Variants in DAAM2 observed in about 807,000 individuals in gnomAD.
The protein encoded by DAAM2 is disheveled-associated activator of morphogenesis 2.
In DAAM2, 39 loss-of-function variants were observed where a neutral mutation model predicts 120.7. The observed-to-expected ratio is 0.32, with a 90% confidence interval of 0.25 to 0.42. The LOEUF (loss-of-function observed/expected upper bound fraction) is 0.42. Among genes scored for constraint, DAAM2 ranks in the 10% least tolerant of loss-of-function variants. DAAM2 has a pLI of 1.00. For synonymous variants in DAAM2, 488 were observed against 524.9 expected (o/e 0.93, Z 0.96); for missense variants, 1,283 against 1,401.7 (o/e 0.92, Z 1.35).
At chr6:39,821,572 C>T (rs1178799032) in intron 1 of DAAM2, 2 of 152,260 alleles carry the variant, frequency 1.3e-5, no homozygotes, top group East Asian at 1.9e-4. Flanking sequence ...ATCTGATGGG[C>T]AAATGTGAGA....
intron 17 of DAAM2, 32 bp downstream of exon 17, chr6:39,888,795 G>A (rs1765524502): frequency 2.5e-6 from 4 of 1,572,492 alleles, no homozygotes; most frequent in Non-Finnish European, 3.5e-6. Flanking sequence ...AAGGGGAACT[G>A]AACCCAGCGG....
chr6:39,896,779 A>T (rs370072691), intron 19 of DAAM2, 33 bp from the exon 20 acceptor site: 12 of 1,529,662 alleles, frequency 7.8e-6, no homozygotes, highest in Non-Finnish European at 1.1e-5. Flanking sequence ...TGCCTAGCCC[A>T]TGCAGGCCTC....
At chr6:39,847,583 G>T (rs984152820) in intron 1 of DAAM2, among the ~76,000 whole-genome samples, 2 of 152,032 alleles carry the variant, frequency 1.3e-5, no homozygotes, top group Admixed American at 1.3e-4. Flanking sequence ...AGCTCTCCAT[G>T]CTCCCCAGGT....
At chr6:39,855,993 A>G in intron 1 of DAAM2, 2 of 977,512 alleles carry the variant, frequency 2.0e-6, no homozygotes, top group Non-Finnish European at 2.4e-6. Context: ...AGGAAGGGGA[A>G]TATGAAAGTG....
At chr6:39,875,889 A>G (rs1582717241) in intron 11 of DAAM2, among the ~76,000 whole-genome samples, 2 of 152,202 alleles carry the variant, frequency 1.3e-5, no homozygotes. Context: ...TCAGCAAACT[A>G]TGGGTGCATG....
chr6:39,856,427 T>G lies in DAAM2; in HGVS notation c.125T>G (p.Ile42Ser). The stretch of plus-strand genomic sequence containing the variant: ...CAGTTCATGGAGTTCTCCAGCCCCA[T>G]CCCGAACGCAGAGGAGCTCAACATC... ...PLQFMEFSSP[I>S]PNAEELNIRF... The change falls in exon 2 of 25, where the codon ATC (isoleucine) becomes AGC (serine). Residue 42 changes from isoleucine (I) to serine (S), a missense_variant. By Grantham distance (142) the Ile-to-Ser change is moderately radical. Around this residue, in one of 3 missense-constraint regions of DAAM2, gnomAD observed 197 missense variants for 189.3 expected, o/e 1.04. Coordinates refer to ENST00000274867, the MANE Select transcript of DAAM2 (RefSeq NM_001201427.2). 1 of 1,515,790 alleles carries G rather than the reference T, an allele frequency of 6.6e-7. No individual in the cohort carries two copies. Among genetic ancestry groups the G allele is most frequent in the Non-Finnish European group, 8.8e-7 (1 of 1,131,674 alleles). 93.9% of individuals were successfully genotyped at this position (1,515,790 alleles called of 1,614,324 possible). A position where few individuals can be genotyped will look rare whatever the true frequency, so the allele number is the denominator to read the frequency against.
In DAAM2 at chr6:39,878,959, C is replaced by T. The variant is rs116019337; in HGVS notation, c.1546-219C>T. 2.4e-3 allele frequency among the ~76,000 whole-genome samples: 370 copies of T among 151,902 alleles called. 2 individuals carry two copies. The highest frequency in any genetic ancestry group is 8.6e-3 in the African/African-American group (356 of 41,420). On this transcript the variant is annotated intron_variant, in intron 13 of 24. Coordinates refer to ENST00000274867, the MANE Select transcript of DAAM2 (RefSeq NM_001201427.2). The surrounding 1 kb of genome is among the most constrained non-coding windows in gnomAD (Gnocchi z 5.0). ...ACTCTGATTGTCCAGTGTCCGTGTG[C>T]GTGACGTGTGTGTGTCTGTGGTGGT... is the stretch of plus-strand genomic sequence containing the variant.
At chr6:39,805,164 G>T (rs1241723104) in intron 1 of DAAM2, among the ~76,000 whole-genome samples, 1 of 152,186 alleles carries the variant, frequency 6.6e-6, no homozygotes, top group Non-Finnish European at 1.5e-5. Context: ...GCATCTAAGG[G>T]CTTGTGTGCT....
intron 1 of DAAM2, among the ~76,000 whole-genome samples, chr6:39,825,827 G>T (rs997347543): frequency 6.6e-6 from 1 of 152,178 alleles, no homozygotes; most frequent in Non-Finnish European, 1.5e-5. Context: ...TTCACAGCCT[G>T]CACACTACAT....
intron 4 of DAAM2, among the ~76,000 whole-genome samples, chr6:39,864,771 C>A (rs1764356757): frequency 6.6e-6 from 1 of 152,198 alleles, no homozygotes; most frequent in Admixed American, 6.5e-5. Flanking sequence ...GGGAAATAAA[C>A]CGGGCCAGTA....
intron 17 of DAAM2, among the ~76,000 whole-genome samples, chr6:39,889,214 T>C (rs901072799): frequency 6.6e-6 from 1 of 152,134 alleles, no homozygotes; most frequent in Non-Finnish European, 1.5e-5. Flanking sequence ...AACAAAGAAC[T>C]CTACAAATCA....
At chr6:39,843,753 T>C (rs1030359742) in intron 1 of DAAM2, among the ~76,000 whole-genome samples, 1 of 152,140 alleles carries the variant, frequency 6.6e-6, no homozygotes, top group Non-Finnish European at 1.5e-5. Context: ...GGTGAGACGA[T>C]GGGGCCCAAT....
chr6:39,904,065 C>T lies in DAAM2; in HGVS notation c.*2028C>T. ...GACCAGGCTGATGTCAACCTAACCC[C>T]CTCAGGGGCAGGGAACAGGGGAGGG... On this transcript the variant is annotated 3_prime_UTR_variant, in exon 25 of 25. Transcript: ENST00000274867. 2.5e-6 allele frequency: 1 copy of T among 396,266 alleles called. No homozygotes were observed. Among genetic ancestry groups the T allele is most frequent in the South Asian group, 1.9e-5 (1 of 51,794 alleles). 24.5% of individuals were successfully genotyped at this position (396,266 alleles called of 1,614,324 possible).
chr6:39,897,255 A>G lies in DAAM2; in HGVS notation c.2591A>G (p.Gln864Arg), dbSNP rs1419614813. 3.7e-6 allele frequency: 6 copies of G among 1,612,824 alleles called. No individual in the cohort carries two copies. In the Admixed American group the frequency reaches 1.0e-4, roughly 27 times the overall value. The change falls in exon 21 of 25, where the codon CAA becomes CGA. Residue 864 changes from glutamine to arginine, a missense_variant. Physicochemically the swap from Gln to Arg is conservative, Grantham distance 43. Around this residue, in one of 3 missense-constraint regions of DAAM2, gnomAD observed 748 missense variants for 768.6 expected, o/e 0.97. Coordinates refer to ENST00000274867, the MANE Select transcript of DAAM2 (RefSeq NM_001201427.2). ...PDILNMPSEL[Q>R]HLPEAAKVNL... is the part of the protein sequence containing the mutation. ...ATTCTAAACATGCCTTCAGAGCTGC[A>G]ACATCTTCCAGAAGCTGCCAAAGTC...
At chr6:39,835,660 G>A (rs886799829) in intron 1 of DAAM2, among the ~76,000 whole-genome samples, 2 of 152,230 alleles carry the variant, frequency 1.3e-5, no homozygotes, top group Non-Finnish European at 2.9e-5. Context: ...GATTCATCAG[G>A]GAAGGCTTGA....
In DAAM2 at chr6:39,835,773, C is replaced by A. The variant is rs111365046; in HGVS notation, c.-56-20474C>A. Reference sequence around the variant, plus strand: ...AGTGGTTGGAAGAAGGCTGTTGGTGCCCCTCTTGGTGCCTACCCTAATGAG... The same window carrying A: ...AGTGGTTGGAAGAAGGCTGTTGGTGACCCTCTTGGTGCCTACCCTAATGAG... On this transcript the variant is annotated intron_variant, in intron 1 of 24. Transcript: ENST00000274867. Among the ~76,000 whole-genome samples, 382 of 152,272 alleles carry A rather than the reference C, an allele frequency of 2.5e-3. 2 individuals carry two copies. Among genetic ancestry groups the A allele is most frequent in the African/African-American group, 8.2e-3 (342 of 41,550 alleles).
chr6:39,878,088 CT>C lies in DAAM2; in HGVS notation c.1302-114del. 9.3e-7 allele frequency: 1 copy of C among 1,069,760 alleles called. No individual in the cohort carries two copies. Among genetic ancestry groups the C allele is most frequent in the Non-Finnish European group, 1.4e-6 (1 of 723,598 alleles). The allele number at this position is 1,069,760 out of a possible 1,614,324, so 66.3% of individuals were successfully genotyped here. A position where few individuals can be genotyped will look rare whatever the true frequency, so the allele number is the denominator to read the frequency against. ...CTAAATCCTAGCCCCCTTGATGTGG[CT>C]GGACAGATTGGAGACCAGGGTCCCC... is the stretch of plus-strand genomic sequence containing the variant. On this transcript the variant is annotated intron_variant, in intron 11 of 24. Coordinates refer to ENST00000274867, the MANE Select transcript of DAAM2 (RefSeq NM_001201427.2). This position sits in a 1 kb window ranked among gnomAD's most constrained non-coding sequence, Gnocchi z 5.0.
intron 1 of DAAM2, among the ~76,000 whole-genome samples, chr6:39,796,021 A>G (rs1166508290): frequency 3.3e-5 from 5 of 152,154 alleles, no homozygotes; most frequent in Non-Finnish European, 7.3e-5. Context: ...CTCCTTGTCA[A>G]GGGTGCTCAG....
At chr6:39,887,775 T>C in intron 16 of DAAM2, 183 bp downstream of exon 16, 1 of 549,958 alleles carries the variant, frequency 1.8e-6, no homozygotes, top group East Asian at 3.2e-5. Flanking sequence ...GGCAGGAAAC[T>C]GCCCAGTCAC....
Sources: allele counts gnomAD v4.1 joint callset (sites outside exome capture counted in the v4.1 genomes callset), GRCh38; gene constraint gnomAD v4.1.1; regional missense constraint gnomAD v4.1.1; non-coding constraint Gnocchi (gnomAD v3.1); transcripts MANE v1.5; gene names NCBI Gene and HGNC (gene_info 2026-07-23, HGNC 2026-07-21).